The following ZNF385D variants were observed in gnomAD, a reference collection of about 807,000 sequenced individuals.
ZNF385D encodes zinc finger protein 385D, also known as zinc finger protein 659.
A neutral mutation model predicts 35.8 loss-of-function variants in ZNF385D; 15 were observed. The ratio of observed to expected loss-of-function variants is 0.42; its 90% CI spans 0.28 to 0.64. ZNF385D has a LOEUF of 0.64. ZNF385D is among the 30% of genes least tolerant of loss of function. ZNF385D has a pLI of 0.23. For missense variants in ZNF385D, 474 were observed against 494.6 expected, an observed-to-expected ratio of 0.96 and a Z score of 0.39; for synonymous variants, 212 against 186.8, an observed-to-expected ratio of 1.13 and a Z score of -1.10.
rs181817493 is a variant in ZNF385D at position 21,482,085 on chromosome 3, A to G, written c.439+28776T>C. On this transcript the variant is annotated intron_variant, in intron 4 of 7. Coordinates refer to ENST00000281523, the MANE Select transcript of ZNF385D (RefSeq NM_024697.3). ...AGTAAGGAGGACAGAACTGAGTCCA[A>G]TGAACTAAGTGTGATTTGCAAGAGT... 9.7e-4 allele frequency among the ~76,000 whole-genome samples: 147 copies of G among 152,230 alleles called. 1 individual carries two copies. The highest frequency in any genetic ancestry group is 3.3e-3 in the African/African-American group (138 of 41,546).
intron 3 of ZNF385D, among the ~76,000 whole-genome samples, chr3:22,140,348 C>T (rs182118007): frequency 1.2e-3 from 176 of 152,186 alleles, no homozygotes; most frequent in East Asian, 9.6e-4. Context: ...CTGTGTGGTT[C>T]TATTTATACA....
intron 3 of ZNF385D, among the ~76,000 whole-genome samples, chr3:21,859,001 G>A (rs1300119805): frequency 6.6e-6 from 1 of 152,006 alleles, no homozygotes; most frequent in African/African-American, 2.4e-5. Flanking sequence ...AGCTAGAATA[G>A]CAGATATCAC....
At chr3:22,017,055 A>T (rs1162374642) in intron 3 of ZNF385D, among the ~76,000 whole-genome samples, 2 of 152,030 alleles carry the variant, frequency 1.3e-5, no homozygotes, top group Non-Finnish European at 2.9e-5. Flanking sequence ...AAATTTTTCA[A>T]ATGTTATGTT....
chr3:22,238,797 A>C (rs2125310311), intron 2 of ZNF385D, among the ~76,000 whole-genome samples: 1 of 151,072 alleles, frequency 6.6e-6, no homozygotes, highest in South Asian at 2.2e-4. Flanking sequence ...TAGTGTTGTG[A>C]ACAGGGCTCA....
At chr3:22,308,548 C>T (rs185751750) in intron 2 of ZNF385D, among the ~76,000 whole-genome samples, 53 of 151,982 alleles carry the variant, frequency 3.5e-4, no homozygotes, top group Non-Finnish European at 1.2e-4. Flanking sequence ...ATGGAAAAGG[C>T]AGTCAGTTTC....
chr3:21,770,916 A>G (rs186039599), intron 3 of ZNF385D, among the ~76,000 whole-genome samples: 3,257 of 152,240 alleles, frequency 0.021, 106 homozygotes, highest in African/African-American at 0.073. Flanking sequence ...GCCATAAAAA[A>G]GGATGAGTTC....
intron 2 of ZNF385D, among the ~76,000 whole-genome samples, chr3:22,281,791 T>C (rs1701756758): frequency 6.6e-6 from 1 of 152,126 alleles, no homozygotes; most frequent in Non-Finnish European, 1.5e-5. Flanking sequence ...TTTCTCTATC[T>C]TGTGGAATAG....
chr3:21,675,759 T>C (rs545892173), intron 1 of ZNF385D, among the ~76,000 whole-genome samples: 16 of 152,120 alleles, frequency 1.1e-4, no homozygotes, highest in Non-Finnish European at 2.4e-4. Flanking sequence ...ATCCAGTATA[T>C]TGTAGATTAT....
intron 3 of ZNF385D, among the ~76,000 whole-genome samples, chr3:21,773,476 C>A (rs374966232): frequency 1.3e-5 from 2 of 151,842 alleles, no homozygotes; most frequent in East Asian, 1.9e-4. Context: ...TCAGAGTAAA[C>A]AGACAACCTA....
intron 3 of ZNF385D, among the ~76,000 whole-genome samples, chr3:21,798,026 G>A (rs1170542655): frequency 2.6e-5 from 4 of 152,124 alleles, no homozygotes; most frequent in African/African-American, 4.8e-5. Flanking sequence ...GTAAACTATG[G>A]ACACTGGCAA....
chr3:22,106,048 T>A (rs75164994), intron 3 of ZNF385D, among the ~76,000 whole-genome samples: 1 of 152,062 alleles, frequency 6.6e-6, no homozygotes, highest in African/African-American at 2.4e-5. Flanking sequence ...TTAGTCATTA[T>A]TGATAGGATA....
At position 21,841,331 on chromosome 3, in the gene ZNF385D, T is replaced by A. The variant is rs139186508; in HGVS notation, c.326-176303A>T. 2.4e-4 allele frequency among the ~76,000 whole-genome samples: 37 copies of A among 152,138 alleles called. No homozygotes were observed. In the East Asian group the frequency reaches 7.2e-3, roughly 30 times the overall value. On this transcript the variant is annotated intron_variant, in intron 3 of 5. Coordinates refer to the ZNF385D transcript ENST00000494108. ...TACTTCCAAGGTTTTTCTACTACAGTGTTGCTATAAATATCCATTTATGTA... is the reference window on the plus strand; with the variant it reads ...TACTTCCAAGGTTTTTCTACTACAGAGTTGCTATAAATATCCATTTATGTA...
In ZNF385D at chr3:21,687,840, C is replaced by G. The variant is rs183292580; in HGVS notation, c.23-22812G>C. ...TTTGATTTGTTTCATTTGAGAATAG[C>G]TGAATGGCTTAATAAAGCCATATGG... is the stretch of plus-strand genomic sequence containing the variant. On this transcript the variant is annotated intron_variant, in intron 1 of 7. Transcript: ENST00000281523. Among the ~76,000 whole-genome samples, 200 of 152,160 alleles carry G rather than the reference C, an allele frequency of 1.3e-3. 1 individual carries two copies. Among genetic ancestry groups the G allele is most frequent in the African/African-American group, 3.7e-3 (152 of 41,524 alleles).
intron 2 of ZNF385D, among the ~76,000 whole-genome samples, chr3:22,276,930 T>C (rs1005623227): frequency 3.9e-5 from 6 of 152,248 alleles, no homozygotes; most frequent in Non-Finnish European, 7.4e-5. Context: ...AACAAGAGAT[T>C]TGTTATTTCA....
At chr3:21,894,281 T>C (rs1260062793) in intron 3 of ZNF385D, among the ~76,000 whole-genome samples, 1 of 152,158 alleles carries the variant, frequency 6.6e-6, no homozygotes, top group Admixed American at 6.5e-5. Flanking sequence ...AATACTATCT[T>C]AAGAACTAGT....
intron 2 of ZNF385D, among the ~76,000 whole-genome samples, chr3:22,371,346 G>A (rs1213629384): frequency 6.6e-6 from 1 of 152,112 alleles, no homozygotes; most frequent in African/African-American, 2.4e-5. Context: ...CCATATTCCG[G>A]GAACACCGCA....
intron 3 of ZNF385D, among the ~76,000 whole-genome samples, chr3:21,888,469 T>C (rs1027815110): frequency 6.6e-5 from 10 of 152,098 alleles, no homozygotes; most frequent in African/African-American, 2.4e-4. Context: ...GGATTTCTCG[T>C]GGTTCCTAGA....
chr3:21,498,255 G>C (rs1348963864), intron 4 of ZNF385D, among the ~76,000 whole-genome samples: 2 of 151,984 alleles, frequency 1.3e-5, no homozygotes, highest in Non-Finnish European at 2.9e-5. Flanking sequence ...AATCTAAAAT[G>C]ACAGAAAAAC....
At chr3:21,840,466 G>A (rs1237056894) in intron 3 of ZNF385D, among the ~76,000 whole-genome samples, 1 of 151,960 alleles carries the variant, frequency 6.6e-6, no homozygotes. Context: ...CCTTCCTTTT[G>A]TCTAGTTGAA....
Sources: gnomAD v4.1 joint callset for allele counts (sites outside exome capture counted in the v4.1 genomes callset) on GRCh38, gnomAD v4.1.1 for gene constraint, MANE v1.5 for transcripts, NCBI Gene and HGNC (gene_info 2026-07-23, HGNC 2026-07-21) for gene names.